The following DNM3 variants were observed in gnomAD, a reference collection of about 807,000 sequenced individuals.
The protein encoded by DNM3 is dynamin 3, also known as dynamin-3.
Under a neutral mutation model 101.6 loss-of-function variants are expected in DNM3, and 47 were observed. That is an observed-to-expected ratio of 0.46 (90% CI 0.37 to 0.59). DNM3 has a LOEUF of 0.59. Among genes scored for constraint, DNM3 ranks in the 20% least tolerant of loss-of-function variants. DNM3 has a pLI of 0.00. For synonymous variants in DNM3, 385 were observed against 387.9 expected, an observed-to-expected ratio of 0.99 and a Z score of 0.09; for missense variants, 849 against 1,085.7, an observed-to-expected ratio of 0.78 and a Z score of 3.06.
chr1:172,023,786 G>C (rs1266214904), intron 4 of DNM3, among the ~76,000 whole-genome samples: 1 of 148,932 alleles, frequency 6.7e-6, no homozygotes, highest in Non-Finnish European at 1.5e-5. Flanking sequence ...TTCTCTCTTT[G>C]GAATGTCAGT....
chr1:172,208,754 C>T (rs1324492867), intron 14 of DNM3, among the ~76,000 whole-genome samples: 4 of 152,248 alleles, frequency 2.6e-5, no homozygotes, highest in South Asian at 4.1e-4. Flanking sequence ...CTCTCCGCTA[C>T]TCCTTGACAC....
rs2056140409 is a variant in DNM3 at position 172,119,259 on chromosome 1, T to C, written c.1546-11916T>C. ...CGCCCGCCTCAGTCTCCCAAAGTGC[T>C]AGGATTACAGGTGTGAGCCACCACA... On this transcript the variant is annotated intron_variant, in intron 13 of 20. Transcript: ENST00000627582. Among the ~76,000 whole-genome samples the C allele has an allele frequency of 3.3e-5, 5 of 152,132 alleles. No homozygotes were observed. In the South Asian group the frequency reaches 6.2e-4, roughly 19 times the overall value.
At chr1:172,161,884 G>A (rs905614980) in intron 14 of DNM3, among the ~76,000 whole-genome samples, 1 of 152,076 alleles carries the variant, frequency 6.6e-6, no homozygotes, top group East Asian at 1.9e-4. Flanking sequence ...GTACCATCAT[G>A]ATAAGTTGTG....
intron 14 of DNM3, among the ~76,000 whole-genome samples, chr1:172,201,849 G>A (rs2060165255): frequency 6.6e-6 from 1 of 152,176 alleles, no homozygotes; most frequent in African/African-American, 2.4e-5. Flanking sequence ...TATGGGAACG[G>A]ACACCCATGT....
At chr1:172,061,433 G>T (rs981952118) in intron 10 of DNM3, among the ~76,000 whole-genome samples, 5 of 150,490 alleles carry the variant, frequency 3.3e-5, no homozygotes, top group Admixed American at 6.6e-5. Context: ...CAATAGCAAA[G>T]ACTTGAAACC....
At chr1:172,229,732 A>G (rs2061262728) in intron 14 of DNM3, among the ~76,000 whole-genome samples, 1 of 151,994 alleles carries the variant, frequency 6.6e-6, no homozygotes, top group African/African-American at 2.4e-5. Flanking sequence ...AGATTATACT[A>G]CAAAACATAC....
At chr1:172,405,288 C>T (rs1483701465) in intron 20 of DNM3, among the ~76,000 whole-genome samples, 1 of 151,990 alleles carries the variant, frequency 6.6e-6, no homozygotes, top group Non-Finnish European at 1.5e-5. Context: ...GGTTTCTTTT[C>T]TCAAGGAATT....
chr1:172,161,188 A>G (rs575528179), intron 14 of DNM3, among the ~76,000 whole-genome samples: 1 of 148,772 alleles, frequency 6.7e-6, no homozygotes. Context: ...ATATATTATT[A>G]TTATATATAT....
At chr1:172,201,946 G>A (rs1025704646) in intron 14 of DNM3, among the ~76,000 whole-genome samples, 10 of 152,146 alleles carry the variant, frequency 6.6e-5, no homozygotes, top group African/African-American at 2.4e-4. Context: ...TCCTGTACCT[G>A]GGGGTATCAC....
chr1:172,223,292 A>G (rs925554982), intron 14 of DNM3, among the ~76,000 whole-genome samples: 2 of 131,124 alleles, frequency 1.5e-5, no homozygotes, highest in Admixed American at 8.0e-5. Context: ...TTTTTTTACT[A>G]TCAACAGAAC....
chr1:172,092,032 G>A (rs752676091), intron 12 of DNM3, among the ~76,000 whole-genome samples: 2 of 152,174 alleles, frequency 1.3e-5, no homozygotes, highest in Non-Finnish European at 2.9e-5. Context: ...GAACTTGAAT[G>A]TATGGTATAG....
intron 13 of DNM3, among the ~76,000 whole-genome samples, chr1:172,123,976 G>T (rs146910224): frequency 1.3e-5 from 2 of 152,290 alleles, no homozygotes; most frequent in African/African-American, 4.8e-5. Flanking sequence ...TGGACAGAAA[G>T]TTCTGAGAGG....
intron 14 of DNM3, among the ~76,000 whole-genome samples, chr1:172,217,637 A>G (rs2148548839): frequency 6.6e-6 from 1 of 152,132 alleles, no homozygotes; most frequent in East Asian, 1.9e-4. Flanking sequence ...TTGTTTCTGA[A>G]AATTTAGCCT....
rs535073096 is a variant in DNM3 at position 172,411,718 on chromosome 1, A to C, written c.*3877A>C. 1.7e-4 allele frequency: 169 copies of C among 985,316 alleles called. No individual in the cohort carries two copies. The African/African-American group carries it at 2.9e-3, about 17-fold the overall frequency. The allele number at this position is 985,316 out of a possible 1,614,324, so 61.0% of individuals were successfully genotyped here. On this transcript the variant is annotated 3_prime_UTR_variant, in exon 21 of 21. Coordinates refer to ENST00000627582, the MANE Select transcript of DNM3 (RefSeq NM_015569.5). ...TGAAAGTGACAGGAATCTCCTCAGA[A>C]TGAAGAATAAAGCCTACTAGGTCTC...
At chr1:172,285,624 C>T in intron 15 of DNM3, among the ~76,000 whole-genome samples, 1 of 152,294 alleles carries the variant, frequency 6.6e-6, no homozygotes, top group East Asian at 1.9e-4. Flanking sequence ...TCATATAAAA[C>T]TTTTCAAAAT....
At chr1:171,879,014 G>C (rs1441560795) in intron 1 of DNM3, among the ~76,000 whole-genome samples, 1 of 152,168 alleles carries the variant, frequency 6.6e-6, no homozygotes, top group Non-Finnish European at 1.5e-5. Flanking sequence ...CAGAGTGTAT[G>C]TAGTTATGCA....
Position 172,411,596 on chromosome 1 carries a change from T to C in DNM3, c.*3755T>C, listed in dbSNP as rs920034699. The stretch of plus-strand genomic sequence containing the variant: ...AGTAGTGGATTTTTCTGAGTAAATT[T>C]GCTGAAAATATAAGAGAGAAGCTAT... On this transcript the variant is annotated 3_prime_UTR_variant, in exon 21 of 21. Coordinates refer to ENST00000627582, the MANE Select transcript of DNM3 (RefSeq NM_015569.5). 2.0e-6 allele frequency: 2 copies of C among 985,028 alleles called. No homozygotes were observed. The highest frequency in any genetic ancestry group is 3.5e-5 in the African/African-American group (2 of 57,200). 61.0% of individuals were successfully genotyped at this position (985,028 alleles called of 1,614,324 possible). A position where few individuals can be genotyped will look rare whatever the true frequency, so the allele number is the denominator to read the frequency against.
intron 1 of DNM3, among the ~76,000 whole-genome samples, chr1:171,847,200 C>T (rs577766317): frequency 9.2e-5 from 14 of 152,186 alleles, no homozygotes; most frequent in African/African-American, 3.1e-4. Context: ...CTTTCAAATG[C>T]ACATGTAAAA....
At chr1:171,995,130 G>A (rs991857959) in intron 4 of DNM3, among the ~76,000 whole-genome samples, 1 of 92,304 alleles carries the variant, frequency 1.1e-5, no homozygotes, top group Admixed American at 1.4e-4. Context: ...TTGAGATGGA[G>A]TTTTTGCTCT....
Sources: allele counts gnomAD v4.1 joint callset (sites outside exome capture counted in the v4.1 genomes callset), GRCh38; gene constraint gnomAD v4.1.1; transcripts MANE v1.5; gene names NCBI Gene and HGNC (gene_info 2026-07-23, HGNC 2026-07-21).